Variants in AZIN2 observed in about 807,000 individuals in gnomAD.
The protein encoded by AZIN2 is antizyme inhibitor 2, also known as ODC antizyme inhibitor-2.
AZIN2 carries 28 observed loss-of-function variants against 47.8 expected under a neutral mutation model. The observed-to-expected ratio is 0.59, with a 90% CI of 0.43 to 0.80. The LOEUF is 0.80. AZIN2 is among the 30% of genes least tolerant of loss of function. The pLI is 0.00. For synonymous variants in AZIN2, 221 were observed against 239.4 expected, an observed-to-expected ratio of 0.92 and a Z score of 0.71; for missense variants, 535 against 582.5, an observed-to-expected ratio of 0.92 and a Z score of 0.84.
intron 5 of AZIN2, among the ~76,000 whole-genome samples, chr1:33,086,639 A>G (rs142169492): frequency 6.4e-4 from 98 of 152,334 alleles, no homozygotes; most frequent in African/African-American, 2.2e-3. Context: ...GTGCAGACAG[A>G]CATGCGTTGG....
the AZIN2 span, among the ~76,000 whole-genome samples, chr1:33,151,937 T>C: frequency 1.3e-5 from 2 of 152,232 alleles, no homozygotes; most frequent in South Asian, 2.1e-4. Context: ...GCTTCGAACA[T>C]GCAGAGGCCT....
the AZIN2 span, among the ~76,000 whole-genome samples, chr1:33,161,907 G>A: frequency 6.6e-6 from 1 of 152,032 alleles, no homozygotes; most frequent in Admixed American, 6.6e-5. This position sits in a 1 kb window ranked among gnomAD's most constrained non-coding sequence, Gnocchi z 4.3. Flanking sequence ...CCAGGTCAGC[G>A]CCTTCCATCC....
the AZIN2 span, chr1:33,146,015 T>G: frequency 1.2e-5 from 5 of 425,924 alleles, no homozygotes; most frequent in Non-Finnish European, 2.4e-5. Flanking sequence ...GCACGGACCG[T>G]GGCAGAGGGA....
chr1:33,087,898 C>G (rs971232257), intron 5 of AZIN2, among the ~76,000 whole-genome samples: 1 of 152,194 alleles, frequency 6.6e-6, no homozygotes, highest in Non-Finnish European at 1.5e-5. Flanking sequence ...ACACATGTCT[C>G]GCTGTGAGAC....
At chr1:33,093,671 C>T (rs1287131684) in intron 7 of AZIN2, among the ~76,000 whole-genome samples, 2 of 152,044 alleles carry the variant, frequency 1.3e-5, no homozygotes, top group Non-Finnish European at 2.9e-5. Context: ...GTCTTACCAG[C>T]CTGTAGGACA....
the AZIN2 span, among the ~76,000 whole-genome samples, chr1:33,154,042 T>A: frequency 2.6e-5 from 4 of 151,576 alleles, no homozygotes; most frequent in African/African-American, 9.7e-5. Context: ...CCAAGGAGAG[T>A]AAGAGTTGGC....
intron 10 of AZIN2, chr1:33,102,029 G>T (rs1455212391): frequency 1.6e-6 from 1 of 632,222 alleles, no homozygotes; most frequent in African/African-American, 1.8e-5. Context: ...TGAGCAAGGA[G>T]TGGAATGGCT....
Position 33,123,413 on chromosome 1 carries a change from G to T in AZIN2, c.*3231G>T, listed in dbSNP as rs534250888. 1.2e-4 allele frequency among the ~76,000 whole-genome samples: 19 copies of T among 152,310 alleles called. No homozygotes were observed. The highest frequency in any genetic ancestry group is 3.4e-3 in the Middle Eastern group (1 of 294). ...GTCCTTATTACCTAGAACGGAGTAG[G>T]TGTTCAAAAAGTATATGCTGGATGG... On this transcript the variant is annotated 3_prime_UTR_variant, in exon 12 of 12. Transcript: ENST00000294517.
At chr1:33,134,922 G>A in the AZIN2 span, among the ~76,000 whole-genome samples, 25 of 152,186 alleles carry the variant, frequency 1.6e-4, no homozygotes, top group African/African-American at 5.3e-4. Flanking sequence ...CTGCTTTCCC[G>A]CTGGGTTCCC....
chr1:33,082,449 G>T, intron 4 of AZIN2, 95 bp downstream of exon 4: 1 of 819,078 alleles, frequency 1.2e-6, no homozygotes, highest in Non-Finnish European at 1.9e-6. Flanking sequence ...TTATCCTTTC[G>T]CTTATTTGGT....
At chr1:33,111,795 G>A (rs1557716878) in intron 10 of AZIN2, among the ~76,000 whole-genome samples, 1 of 151,972 alleles carries the variant, frequency 6.6e-6, no homozygotes, top group East Asian at 1.9e-4. Flanking sequence ...AGTAGAGGTG[G>A]GGTTTCACCA....
chr1:33,147,126 C>T, the AZIN2 span: 1 of 1,581,810 alleles, frequency 6.3e-7, no homozygotes, highest in South Asian at 1.2e-5. The surrounding 1 kb of genome is among the most constrained non-coding windows in gnomAD (Gnocchi z 8.1). Flanking sequence ...CTGGGCAGGG[C>T]TCTTGCAGGT....
At chr1:33,091,399 C>T (rs1169035011) in intron 5 of AZIN2, among the ~76,000 whole-genome samples, 1 of 152,130 alleles carries the variant, frequency 6.6e-6, no homozygotes, top group Non-Finnish European at 1.5e-5. Context: ...ACTACCAAGC[C>T]TGGCTAATTT....
At chr1:33,107,397 T>C (rs1220739567) in intron 10 of AZIN2, among the ~76,000 whole-genome samples, 1 of 152,030 alleles carries the variant, frequency 6.6e-6, no homozygotes, top group African/African-American at 2.4e-5. Flanking sequence ...CTGGACAATA[T>C]GGTGAAGCCC....
In AZIN2 at chr1:33,113,756, C is replaced by G. The variant is rs748492686; in HGVS notation, c.1030-4146C>G. ...ATGACAGGGCTGAACTTCAGTGTAT[C>G]TCAATGAAGTCAGAGTTGGATCATT... On this transcript the variant is annotated intron_variant, in intron 10 of 11. Coordinates refer to ENST00000294517, the MANE Select transcript of AZIN2 (RefSeq NM_052998.4). This position sits in a 1 kb window ranked among gnomAD's most constrained non-coding sequence, Gnocchi z 4.1. Among the ~76,000 whole-genome samples the G allele has an allele frequency of 6.6e-6, 1 of 152,196 alleles. No individual in the cohort carries two copies. Among genetic ancestry groups the G allele is most frequent in the Non-Finnish European group, 1.5e-5 (1 of 68,038 alleles).
rs372157394 is a variant in AZIN2 at position 33,098,036 on chromosome 1, T to C, written c.917-31T>C. 1.9e-5 allele frequency: 29 copies of C among 1,546,854 alleles called. No homozygotes were observed. In the African/African-American group the frequency reaches 2.7e-4, roughly 14 times the overall value. On this transcript the variant is annotated intron_variant, in intron 9 of 11. Transcript: ENST00000294517. ...ACTACCACCCCCTCACATTGCTACTTGTGCTGCCTCTGAACCCTCCCCTCC... is the reference window on the plus strand; with the variant it reads ...ACTACCACCCCCTCACATTGCTACTCGTGCTGCCTCTGAACCCTCCCCTCC...
intron 6 of AZIN2, among the ~76,000 whole-genome samples, chr1:33,092,659 T>C (rs1326815987): frequency 6.6e-6 from 1 of 151,766 alleles, no homozygotes; most frequent in Non-Finnish European, 1.5e-5. Context: ...CGTAAGCAAA[T>C]GCATTGAGGT....
chr1:33,118,220 G>A (rs1644652581), intron 11 of AZIN2, 104 bp downstream of exon 11: 2 of 1,278,116 alleles, frequency 1.6e-6, no homozygotes, highest in East Asian at 5.2e-5. Flanking sequence ...AACTTGACAA[G>A]TAGCTGTTGG....
intron 10 of AZIN2, among the ~76,000 whole-genome samples, chr1:33,103,861 A>G (rs925902124): frequency 6.6e-6 from 1 of 151,914 alleles, no homozygotes; most frequent in African/African-American, 2.4e-5. Flanking sequence ...CAGTAGGTTC[A>G]GTATATGTTG....
Sources: allele counts gnomAD v4.1 joint callset (sites outside exome capture counted in the v4.1 genomes callset), GRCh38; gene constraint gnomAD v4.1.1; non-coding constraint Gnocchi (gnomAD v3.1); transcripts MANE v1.5; gene names NCBI Gene and HGNC (gene_info 2026-07-23, HGNC 2026-07-21).